The following SLC8A1 variants were observed in gnomAD, a reference collection of about 807,000 sequenced individuals.
The protein encoded by SLC8A1 is sodium/calcium exchanger 1.
Under a neutral mutation model 68.3 loss-of-function variants are expected in SLC8A1, and 18 were observed. The ratio of observed to expected loss-of-function variants is 0.26; its 90% CI spans 0.18 to 0.39. The LOEUF (loss-of-function observed/expected upper bound fraction) is 0.39. SLC8A1 is among the 10% of genes least tolerant of loss of function. The pLI, the probability that SLC8A1 is intolerant of heterozygous loss-of-function variation, is 1.00. For synonymous variants in SLC8A1, 475 were observed against 415.5 expected (o/e 1.14, Z -1.74); for missense variants, 985 against 1,156.7 (o/e 0.85, Z 2.15).
intron 7 of SLC8A1, among the ~76,000 whole-genome samples, chr2:40,133,521 C>A (rs2039840640): frequency 1.3e-5 from 2 of 151,644 alleles, no homozygotes; most frequent in South Asian, 4.2e-4. Flanking sequence ...AGGAAGGACA[C>A]AGAAAATCAT....
chr2:40,301,222 T>C (rs1445410607), intron 2 of SLC8A1, among the ~76,000 whole-genome samples: 1 of 152,206 alleles, frequency 6.6e-6, no homozygotes, highest in Non-Finnish European at 1.5e-5. Context: ...ATATGTATTA[T>C]TTCCTTTAAG....
At chr2:40,434,686 T>A (rs1489195247) in intron 1 of SLC8A1, among the ~76,000 whole-genome samples, 7 of 152,180 alleles carry the variant, frequency 4.6e-5, no homozygotes, top group Admixed American at 2.0e-4. Context: ...ACTTAAAATA[T>A]CCATTACATC....
At chr2:40,346,569 G>C (rs1419552731) in intron 2 of SLC8A1, among the ~76,000 whole-genome samples, 1 of 152,028 alleles carries the variant, frequency 6.6e-6, no homozygotes, top group African/African-American at 2.4e-5. Flanking sequence ...CTAAGTCAAG[G>C]TTTTACTCTA....
At chr2:40,384,829 T>G (rs1407865963) in intron 2 of SLC8A1, among the ~76,000 whole-genome samples, 2 of 152,120 alleles carry the variant, frequency 1.3e-5, no homozygotes, top group East Asian at 3.9e-4. Flanking sequence ...TTTTATCTTC[T>G]ATTGCAATTA....
intron 2 of SLC8A1, among the ~76,000 whole-genome samples, chr2:40,227,243 C>T (rs1299874970): frequency 1.8e-5 from 2 of 112,662 alleles, no homozygotes; most frequent in Non-Finnish European, 4.0e-5. Flanking sequence ...TTATTTCCAA[C>T]CTGAAAACAG....
intron 2 of SLC8A1, among the ~76,000 whole-genome samples, chr2:40,360,221 T>C (rs999646798): frequency 2.6e-5 from 4 of 152,172 alleles, no homozygotes; most frequent in African/African-American, 9.6e-5. Context: ...CAGCACACTG[T>C]CCAGCATATG....
intron 2 of SLC8A1, among the ~76,000 whole-genome samples, chr2:40,384,033 G>C (rs114036652): frequency 0.02 from 3,079 of 152,054 alleles, 53 homozygotes; most frequent in South Asian, 0.062. Flanking sequence ...GGTTGAAATG[G>C]GAAGATTGCT....
exon 8 of SLC8A1, chr2:40,114,613 C>T (rs1423087383): frequency 2.0e-5 from 3 of 152,744 alleles, no homozygotes; most frequent in Non-Finnish European, 4.4e-5. Context: ...CTAGAACCAT[C>T]GGATTTCCTG....
chr2:40,498,639 G>C (rs1374027306), intron 1 of SLC8A1, among the ~76,000 whole-genome samples: 1 of 152,058 alleles, frequency 6.6e-6, no homozygotes, highest in African/African-American at 2.4e-5. Flanking sequence ...TAACAACTGT[G>C]CTCAAAAATT....
rs558887108 is a variant in SLC8A1 at position 40,369,994 on chromosome 2, G to A, written c.1808+58479C>T. ...AAAGATCTATAAAATAAAGACCACAGAAGATGGAGAGAAGTTGAGATAACT... is the reference window on the plus strand; with the variant it reads ...AAAGATCTATAAAATAAAGACCACAAAAGATGGAGAGAAGTTGAGATAACT... On this transcript the variant is annotated intron_variant, in intron 2 of 7. Transcript: ENST00000406785. Among the ~76,000 whole-genome samples the A allele has an allele frequency of 2.9e-4, 44 of 152,192 alleles. No homozygotes were observed. The South Asian group carries it at 2.9e-3, about 10-fold the overall frequency.
At chr2:40,117,174 T>C (rs2035625892) in intron 7 of SLC8A1, 1 of 152,070 alleles carries the variant, frequency 6.6e-6, no homozygotes, top group South Asian at 2.1e-4. Flanking sequence ...AGGTAGGATC[T>C]GAAATAGCTT....
chr2:40,331,633 G>A (rs554756592), intron 2 of SLC8A1, among the ~76,000 whole-genome samples: 6 of 151,164 alleles, frequency 4.0e-5, no homozygotes, highest in Non-Finnish European at 8.8e-5. Context: ...TCGCTCTGTC[G>A]CCCAGGCTAG....
At chr2:40,345,890 T>A (rs567517193) in intron 2 of SLC8A1, among the ~76,000 whole-genome samples, 24 of 152,030 alleles carry the variant, frequency 1.6e-4, no homozygotes, top group Non-Finnish European at 3.1e-4. Flanking sequence ...AAATACCTAA[T>A]GCACGCGGAG....
chr2:40,174,916 G>A, intron 3 of SLC8A1, 74 bp from the exon 5 acceptor site: 1 of 1,427,282 alleles, frequency 7.0e-7, no homozygotes, highest in Non-Finnish European at 9.8e-7. Flanking sequence ...ACATCAGACT[G>A]CCTGACAACC....
chr2:40,467,396 TGGGGGTGGG>T (rs1703744971), intron 1 of SLC8A1, among the ~76,000 whole-genome samples: 1 of 152,022 alleles, frequency 6.6e-6, no homozygotes, highest in African/African-American at 2.4e-5. Flanking sequence ...CTACTTCTGA[TGGGGGTGGG>T]GGTGAAAGTG....
exon 8 of SLC8A1, chr2:40,097,650 A>G (rs1004606151): frequency 6.6e-6 from 1 of 152,042 alleles, no homozygotes; most frequent in African/African-American, 2.4e-5. Context: ...TCAAGAATAT[A>G]GAAACCATTG....
At chr2:40,109,686 A>C (rs1021410955) in exon 8 of SLC8A1, 2 of 152,230 alleles carry the variant, frequency 1.3e-5, no homozygotes, top group African/African-American at 4.8e-5. Context: ...TAATGGGAGT[A>C]GTCACCGAAG....
chr2:40,299,316 C>T (rs1445651818), intron 2 of SLC8A1, among the ~76,000 whole-genome samples: 1 of 152,146 alleles, frequency 6.6e-6, no homozygotes, highest in African/African-American at 2.4e-5. Context: ...GATCTGCCTG[C>T]ATTCTACAGA....
intron 6 of SLC8A1, among the ~76,000 whole-genome samples, chr2:40,150,632 A>G (rs2043248911): frequency 6.6e-6 from 1 of 152,216 alleles, no homozygotes; most frequent in South Asian, 2.1e-4. Flanking sequence ...TAGAGACACG[A>G]CTTCGGGCAT....
Sources: gnomAD v4.1 joint callset for allele counts (sites outside exome capture counted in the v4.1 genomes callset) on GRCh38, gnomAD v4.1.1 for gene constraint, MANE v1.5 for transcripts, NCBI Gene and HGNC (gene_info 2026-07-23, HGNC 2026-07-21) for gene names.